The following PARN variants were observed in gnomAD, a reference collection of about 807,000 sequenced individuals.
PARN encodes the protein poly(A)-specific ribonuclease PARN.
PARN carries 71 observed loss-of-function variants against 102.8 expected under a neutral mutation model. The ratio of observed to expected loss-of-function variants is 0.69; its 90% CI spans 0.57 to 0.84. The LOEUF (loss-of-function observed/expected upper bound fraction) is 0.84, where lower values mean the gene tolerates loss of function less well. Ranked by LOEUF, PARN falls within the 40% of genes least tolerant of loss-of-function variation. PARN has a pLI of 0.00. For synonymous variants in PARN, 261 were observed against 252.9 expected (o/e 1.03, Z -0.30); for missense variants, 782 against 760.9 (o/e 1.03, Z -0.33).
At chr16:14,486,525 C>G (rs979063474) in intron 21 of PARN, among the ~76,000 whole-genome samples, 3 of 152,140 alleles carry the variant, frequency 2.0e-5, no homozygotes, top group Admixed American at 6.5e-5. Flanking sequence ...AATTCAGCTC[C>G]CAGCTGATAG....
chr16:14,568,875 C>A (rs756867959), intron 18 of PARN, among the ~76,000 whole-genome samples: 9 of 146,570 alleles, frequency 6.1e-5, no homozygotes, highest in Non-Finnish European at 1.2e-4. Flanking sequence ...AGCCTGGCAA[C>A]AGAGCAAGAC....
In PARN at chr16:14,447,938, TTATCTATCTATCTATC is replaced by T. The variant is rs10539138; in HGVS notation, c.1671-873_1671-858del. ...CCTAGGAGGTGGGTACTTTTAAATT[TTATCTATCTATCTATC>T]TATCTATCTATCTATCTATCTATCT... On this transcript the variant is annotated intron_variant, in intron 22 of 23. Transcript: ENST00000437198. Among the ~76,000 whole-genome samples the T allele has an allele frequency of 5.7e-3, 850 of 148,058 alleles. 3 individuals are homozygous for T. The highest frequency in any genetic ancestry group is 0.014 in the African/African-American group (559 of 40,138).
intron 6 of PARN, among the ~76,000 whole-genome samples, 175 bp downstream of exon 6, chr16:14,617,415 C>T (rs1372013532): frequency 9.4e-5 from 14 of 149,072 alleles, no homozygotes; most frequent in Non-Finnish European, 3.0e-5. Flanking sequence ...TCACAGTAAG[C>T]AAGTTTTTAA....
At chr16:14,614,177 G>C (rs1971715278) in intron 6 of PARN, among the ~76,000 whole-genome samples, 1 of 151,712 alleles carries the variant, frequency 6.6e-6, no homozygotes, top group Non-Finnish European at 1.5e-5. Flanking sequence ...GAATCACTTG[G>C]GCCCAGGAGG....
rs572550922 is a variant in PARN at position 14,447,405 on chromosome 16, G to C, written c.1671-324C>G. On this transcript the variant is annotated intron_variant, in intron 22 of 23. Coordinates refer to ENST00000437198, the MANE Select transcript of PARN (RefSeq NM_002582.4). Reference sequence around the variant, plus strand: ...ACTATTGTAACAGAATAGTAGAATAGAATAGTAGAGATAATATAATGAAAT... The same window carrying C: ...ACTATTGTAACAGAATAGTAGAATACAATAGTAGAGATAATATAATGAAAT... Among the ~76,000 whole-genome samples, 4 of 152,260 alleles carry C rather than the reference G, an allele frequency of 2.6e-5. No homozygotes were observed. In the South Asian group the frequency reaches 6.2e-4, roughly 24 times the overall value.
chr16:14,488,872 CA>C (rs974390272), intron 21 of PARN, among the ~76,000 whole-genome samples: 87 of 127,502 alleles, frequency 6.8e-4, no homozygotes, highest in Admixed American at 1.4e-3. Flanking sequence ...CAATAGTTTC[CA>C]AAAAAAAAAA....
intron 21 of PARN, among the ~76,000 whole-genome samples, chr16:14,486,143 C>T (rs1963674162): frequency 6.6e-6 from 1 of 152,050 alleles, no homozygotes; most frequent in South Asian, 2.1e-4. Flanking sequence ...CTGCTTGAGC[C>T]CAGGGGTTCG....
At chr16:14,490,183 TAAAAC>T (rs1443815838) in intron 21 of PARN, among the ~76,000 whole-genome samples, 4 of 151,934 alleles carry the variant, frequency 2.6e-5, no homozygotes, top group African/African-American at 7.3e-5. Flanking sequence ...TAAATAAAAA[TAAAAC>T]AAAGAAAGAG....
At chr16:14,607,772 G>C (rs903302259) in intron 9 of PARN, among the ~76,000 whole-genome samples, 1 of 152,098 alleles carries the variant, frequency 6.6e-6, no homozygotes, top group African/African-American at 2.4e-5. Context: ...AAGTCAAATG[G>C]AAATGTCCAC....
intron 21 of PARN, among the ~76,000 whole-genome samples, chr16:14,518,326 T>C (rs1965565331): frequency 7.7e-6 from 1 of 130,708 alleles, no homozygotes; most frequent in Non-Finnish European, 1.6e-5. Context: ...AGACTACTCA[T>C]ATTAAAGAAT....
chr16:14,611,726 A>G (rs1197434897), intron 6 of PARN, among the ~76,000 whole-genome samples: 5 of 152,158 alleles, frequency 3.3e-5, no homozygotes, highest in Non-Finnish European at 7.4e-5. Flanking sequence ...TTTTCGGTAG[A>G]GACAGGGTTT....
intron 23 of PARN, among the ~76,000 whole-genome samples, chr16:14,439,907 C>A (rs1482797355): frequency 5.3e-5 from 8 of 152,000 alleles, no homozygotes; most frequent in Non-Finnish European, 1.2e-4. Flanking sequence ...CCCAGCTACT[C>A]AGGAGGCTGA....
intron 21 of PARN, among the ~76,000 whole-genome samples, chr16:14,529,066 C>G (rs1410647005): frequency 6.6e-6 from 1 of 152,144 alleles, no homozygotes; most frequent in African/African-American, 2.4e-5. Context: ...CATCTTCGCC[C>G]TGACTCCTAT....
intron 12 of PARN, among the ~76,000 whole-genome samples, chr16:14,599,037 CTTTTTTTTTTTTTT>C (rs71150194): frequency 1.6e-4 from 13 of 81,460 alleles, no homozygotes; most frequent in Non-Finnish European, 2.5e-4. Context: ...TTCTCCTCTT[CTTTTTTTTTTTTTT>C]TTTTTTTTTT....
chr16:14,582,218 G>A lies in PARN; in HGVS notation c.1155C>T (p.Ile385=). The change falls in exon 17 of 24, where the codon ATC becomes ATT. Residue 385 remains isoleucine, a synonymous_variant. Transcript: ENST00000437198. ...CCATGGAGATGAAGCACAGCCCTGT[G>A]ATGTAGGCATCGTAGCCTGCCTCGT... The part of the protein sequence containing the change: ...QLHEAGYDAY[I]TGLCFISMAN... 8 of 1,612,968 alleles carry A rather than the reference G, an allele frequency of 5.0e-6. No individual in the cohort carries two copies. Among genetic ancestry groups the A allele is most frequent in the Non-Finnish European group, 6.8e-6 (8 of 1,178,918 alleles).
chr16:14,495,279 G>A (rs750860660), intron 21 of PARN, among the ~76,000 whole-genome samples: 2 of 152,064 alleles, frequency 1.3e-5, no homozygotes, highest in African/African-American at 2.4e-5. Context: ...TCGAGTTCAC[G>A]GGTTTGAGGC....
At chr16:14,495,843 G>A (rs941146288) in intron 21 of PARN, among the ~76,000 whole-genome samples, 10 of 152,106 alleles carry the variant, frequency 6.6e-5, no homozygotes, top group African/African-American at 1.4e-4. Flanking sequence ...GTGTGTGCGC[G>A]GACAGCTTTG....
intron 5 of PARN, among the ~76,000 whole-genome samples, chr16:14,619,329 G>C (rs1182633716): frequency 1.3e-5 from 2 of 152,160 alleles, no homozygotes; most frequent in African/African-American, 4.8e-5. Context: ...GCTGGACATG[G>C]TGGCTCACAC....
At chr16:14,572,089 T>C (rs1408239401) in intron 18 of PARN, among the ~76,000 whole-genome samples, 1 of 152,150 alleles carries the variant, frequency 6.6e-6, no homozygotes, top group Admixed American at 6.6e-5. Context: ...GGAATTACTG[T>C]AAGACTCAAT....
Sources: allele counts gnomAD v4.1 joint callset (sites outside exome capture counted in the v4.1 genomes callset), GRCh38; gene constraint gnomAD v4.1.1; transcripts MANE v1.5; gene names NCBI Gene and HGNC (gene_info 2026-07-23, HGNC 2026-07-21).